Variants in TMEM232 observed in about 807,000 individuals in gnomAD.
The protein encoded by TMEM232 is transmembrane protein 232.
A neutral mutation model predicts 78.8 loss-of-function variants in TMEM232; 80 were observed. The observed-to-expected ratio is 1.01, with a 90% CI of 0.85 to 1.22. The LOEUF (loss-of-function observed/expected upper bound fraction) is 1.22. Ranked by LOEUF, TMEM232 falls within the 50% of genes most tolerant of loss-of-function variation. TMEM232 has a pLI of 0.00. For synonymous variants in TMEM232, 297 were observed against 254.3 expected (o/e 1.17, Z -1.60); for missense variants, 881 against 742.2 (o/e 1.19, Z -2.17).
intron 7 of TMEM232, among the ~76,000 whole-genome samples, chr5:110,624,724 A>AT (rs1284051437): frequency 6.6e-6 from 1 of 151,980 alleles, no homozygotes; most frequent in African/African-American, 2.4e-5. Context: ...ATGTGTTGGA[A>AT]TTTTTTTCTT....
chr5:110,445,894 T>G (rs750984752), intron 12 of TMEM232, among the ~76,000 whole-genome samples: 19 of 152,102 alleles, frequency 1.2e-4, no homozygotes, highest in Non-Finnish European at 2.8e-4. Flanking sequence ...AGAGAGAAAT[T>G]ACAATCTTTT....
chr5:110,690,550 G>C (rs905491458), intron 1 of TMEM232, among the ~76,000 whole-genome samples: 16 of 152,298 alleles, frequency 1.1e-4, no homozygotes, highest in African/African-American at 3.6e-4. Flanking sequence ...TTCAACGATT[G>C]TGGAAGACAG....
rs182453196 is a variant in TMEM232, at chr5:110,428,656, T to A, written c.1704-3740A>T. ...ACATATCCTCCTGTCTTTTTTTTTTTTTCCCCAGAAGAGTTGAGTTTAATT... is the reference window on the plus strand; with the variant it reads ...ACATATCCTCCTGTCTTTTTTTTTTATTCCCCAGAAGAGTTGAGTTTAATT... On this transcript the variant is annotated intron_variant, in intron 12 of 13. Transcript: ENST00000455884. Among the ~76,000 whole-genome samples, 992 of 151,870 alleles carry A rather than the reference T, an allele frequency of 6.5e-3. 7 individuals carry two copies. Among genetic ancestry groups the A allele is most frequent in the Non-Finnish European group, 7.1e-3 (481 of 67,808 alleles).
At chr5:110,666,380 G>A (rs1245046617) in intron 2 of TMEM232, among the ~76,000 whole-genome samples, 2 of 151,750 alleles carry the variant, frequency 1.3e-5, no homozygotes, top group Non-Finnish European at 2.9e-5. Flanking sequence ...ACATTTAATT[G>A]ACTTGGTCAT....
chr5:110,571,602 T>C (rs1776946650), intron 10 of TMEM232, among the ~76,000 whole-genome samples: 1 of 151,938 alleles, frequency 6.6e-6, no homozygotes, highest in Non-Finnish European at 1.5e-5. Context: ...GGAGGATTGC[T>C]TGAGGCAGGC....
At chr5:110,436,471 T>C (rs1242980750) in intron 12 of TMEM232, among the ~76,000 whole-genome samples, 1 of 152,054 alleles carries the variant, frequency 6.6e-6, no homozygotes, top group Non-Finnish European at 1.5e-5. Context: ...TATGATCCCA[T>C]TTGTCCACAT....
chr5:110,512,217 T>A (rs1767868872), intron 12 of TMEM232, among the ~76,000 whole-genome samples: 1 of 152,212 alleles, frequency 6.6e-6, no homozygotes. Context: ...TTTTATTAAG[T>A]ACTATATCTG....
chr5:110,452,107 A>C (rs1760365212), intron 12 of TMEM232, among the ~76,000 whole-genome samples: 1 of 152,168 alleles, frequency 6.6e-6, no homozygotes, highest in Admixed American at 6.5e-5. Context: ...TGACTTTAAA[A>C]GATGCAATCT....
chr5:110,564,001 G>T (rs1409239944), intron 11 of TMEM232, among the ~76,000 whole-genome samples: 3 of 151,902 alleles, frequency 2.0e-5, no homozygotes, highest in Non-Finnish European at 4.4e-5. Flanking sequence ...AGAGTTTAAG[G>T]TTTTATTTTC....
intron 12 of TMEM232, among the ~76,000 whole-genome samples, chr5:110,507,232 T>A (rs1767013264): frequency 1.3e-5 from 2 of 152,170 alleles, no homozygotes; most frequent in African/African-American, 4.8e-5. Context: ...TGTGACTTTT[T>A]AATTCTTTTG....
chr5:110,706,417 C>G (rs1795937531), intron 1 of TMEM232, among the ~76,000 whole-genome samples: 1 of 152,030 alleles, frequency 6.6e-6, no homozygotes, highest in South Asian at 2.1e-4. Context: ...GATTATTTTT[C>G]TAATGTTTCT....
At chr5:110,693,096 T>A (rs867554719) in intron 1 of TMEM232, among the ~76,000 whole-genome samples, 32 of 152,148 alleles carry the variant, frequency 2.1e-4, no homozygotes, top group African/African-American at 7.2e-4. Flanking sequence ...GGTACTCCTC[T>A]GAGACAAAAC....
chr5:110,406,911 C>T (rs1257025793), intron 2 of TMEM232, among the ~76,000 whole-genome samples: 1 of 152,024 alleles, frequency 6.6e-6, no homozygotes, highest in Non-Finnish European at 1.5e-5. Context: ...GATAAGTTGC[C>T]ATCTCTTTAA....
chr5:110,715,128 G>A (rs140554109), intron 1 of TMEM232, among the ~76,000 whole-genome samples: 7 of 152,114 alleles, frequency 4.6e-5, no homozygotes, highest in African/African-American at 1.7e-4. Flanking sequence ...AAATTTGAAA[G>A]TAGCTAAAAA....
At chr5:110,425,882 C>G in intron 12 of TMEM232, among the ~76,000 whole-genome samples, 1 of 152,172 alleles carries the variant, frequency 6.6e-6, no homozygotes, top group East Asian at 1.9e-4. Flanking sequence ...CTACATCAAA[C>G]TGTTCATTAT....
intron 10 of TMEM232, among the ~76,000 whole-genome samples, chr5:110,571,525 AAAAT>A (rs1313657497): frequency 5.3e-5 from 8 of 151,926 alleles, no homozygotes; most frequent in African/African-American, 1.4e-4. Context: ...GTTTATACTA[AAAAT>A]AAATAAGAGG....
chr5:110,487,744 G>A lies in TMEM232; in HGVS notation c.1703+40844C>T, dbSNP rs192184117. 2.2e-3 allele frequency among the ~76,000 whole-genome samples: 331 copies of A among 152,138 alleles called. 4 individuals are homozygous for A. In the Middle Eastern group the frequency reaches 0.027, roughly 13 times the overall value. ...AAGAATCTTAGCATCTATATTCAAA[G>A]ATACTGATCTGTAGTTTTCTTTTTT... On this transcript the variant is annotated intron_variant, in intron 12 of 13. Coordinates refer to ENST00000455884, the MANE Select transcript of TMEM232 (RefSeq NM_001039763.4).
Position 110,605,376 on chromosome 5 carries a change from A to T in TMEM232, c.1027-18T>A, listed in dbSNP as rs1323693212. 1.3e-6 allele frequency: 2 copies of T among 1,536,030 alleles called. No individual in the cohort carries two copies. The highest frequency in any genetic ancestry group is 1.8e-6 in the Non-Finnish European group (2 of 1,139,602). ...CTTTCTTCCTGAAATGAGAAAATAGATATTTGATCATCAAAGTATATCTTT... is the reference window on the plus strand; with the variant it reads ...CTTTCTTCCTGAAATGAGAAAATAGTTATTTGATCATCAAAGTATATCTTT... On this transcript the variant is annotated intron_variant, in intron 9 of 13. Coordinates refer to ENST00000455884, the MANE Select transcript of TMEM232 (RefSeq NM_001039763.4).
At chr5:110,711,847 C>T (rs1796514829) in intron 1 of TMEM232, among the ~76,000 whole-genome samples, 1 of 152,036 alleles carries the variant, frequency 6.6e-6, no homozygotes, top group Non-Finnish European at 1.5e-5. Flanking sequence ...TGGCTCACGC[C>T]TGTAATCCCA....
Sources: allele counts gnomAD v4.1 joint callset (sites outside exome capture counted in the v4.1 genomes callset), GRCh38; gene constraint gnomAD v4.1.1; transcripts MANE v1.5; gene names NCBI Gene and HGNC (gene_info 2026-07-23, HGNC 2026-07-21).